Variants in ZFHX3 observed in about 807,000 individuals in gnomAD.
The protein encoded by ZFHX3 is zinc finger homeobox protein 3.
In ZFHX3, 42 loss-of-function variants were observed where a neutral mutation model predicts 279.1. That is an observed-to-expected ratio of 0.15 (90% CI 0.12 to 0.19). The LOEUF (loss-of-function observed/expected upper bound fraction) is 0.19. ZFHX3 is among the 10% of genes least tolerant of loss of function. ZFHX3 has a pLI of 1.00. For synonymous variants in ZFHX3, 2,293 were observed against 1,957.8 expected, an observed-to-expected ratio of 1.17 and a Z score of -4.52; for missense variants, 4,981 against 4,754.0, an observed-to-expected ratio of 1.05 and a Z score of -1.40.
chr16:73,820,808 T>C (rs986886288), intron 1 of ZFHX3, among the ~76,000 whole-genome samples: 1 of 151,834 alleles, frequency 6.6e-6, no homozygotes, highest in Admixed American at 6.5e-5. Context: ...TGTGTTCTAC[T>C]ACCAAAGTTA....
At chr16:73,261,426 T>A (rs780927142) in intron 4 of ZFHX3, among the ~76,000 whole-genome samples, 1 of 152,154 alleles carries the variant, frequency 6.6e-6, no homozygotes, top group Non-Finnish European at 1.5e-5. Flanking sequence ...AGAGGGAAGA[T>A]GATGTTTACT....
chr16:73,345,262 C>T (rs2016102176), intron 3 of ZFHX3, among the ~76,000 whole-genome samples: 1 of 151,962 alleles, frequency 6.6e-6, no homozygotes, highest in Non-Finnish European at 1.5e-5. Context: ...TTCCAGGGAA[C>T]ATGTGCAGGA....
chr16:73,133,047 G>C (rs1414579472), intron 6 of ZFHX3, among the ~76,000 whole-genome samples: 1 of 152,164 alleles, frequency 6.6e-6, no homozygotes, highest in Non-Finnish European at 1.5e-5. Flanking sequence ...GAGGCCCCTG[G>C]GGTGTTTTAA....
intron 2 of ZFHX3, among the ~76,000 whole-genome samples, chr16:73,649,006 G>A (rs538730861): frequency 3.3e-5 from 5 of 152,210 alleles, no homozygotes; most frequent in South Asian, 2.1e-4. Flanking sequence ...TGGAGATTAC[G>A]GTTATCATTT....
chr16:73,094,109 C>G (rs997474356), intron 7 of ZFHX3, among the ~76,000 whole-genome samples: 1 of 152,198 alleles, frequency 6.6e-6, no homozygotes, highest in East Asian at 1.9e-4. Context: ...CGCTCAATAG[C>G]TTTCTTATAG....
intron 4 of ZFHX3, among the ~76,000 whole-genome samples, chr16:73,299,657 G>A (rs2015006339): frequency 6.6e-6 from 1 of 152,208 alleles, no homozygotes; most frequent in South Asian, 2.1e-4. Flanking sequence ...CCCAGCCCAG[G>A]AGGAGCAGGC....
At position 72,957,902 on chromosome 16, in the gene ZFHX3, G is replaced by A. The variant is rs1961342447; in HGVS notation, c.2244C>T (p.Asp748=). 6.2e-7 allele frequency: 1 copy of A among 1,614,224 alleles called. No homozygotes were observed. Among genetic ancestry groups the A allele is most frequent in the Non-Finnish European group, 8.5e-7 (1 of 1,180,046 alleles). Residue 748 remains aspartate, a synonymous_variant, in exon 2 of 10, where the codon GAC becomes GAT. Transcript: ENST00000268489. ...GGTTCTGCATGTTGTTGAGATGCTTGTCAGACTGCATATGAATACTGAGGT... is the reference window on the plus strand; with the variant it reads ...GGTTCTGCATGTTGTTGAGATGCTTATCAGACTGCATATGAATACTGAGGT... The part of the protein sequence containing the change: ...KGNLSIHMQS[D]KHLNNMQNLQ...
chr16:72,911,847 T>C (rs2039326039), intron 3 of ZFHX3, among the ~76,000 whole-genome samples: 1 of 152,008 alleles, frequency 6.6e-6, no homozygotes, highest in Non-Finnish European at 1.5e-5. Context: ...TCTAGTTACC[T>C]GGATTAAGTA....
intron 4 of ZFHX3, among the ~76,000 whole-genome samples, chr16:73,307,594 G>C (rs2015212262): frequency 6.6e-6 from 1 of 152,174 alleles, no homozygotes; most frequent in Non-Finnish European, 1.5e-5. Flanking sequence ...ACCACAGCTG[G>C]AGAAACAAGA....
intron 4 of ZFHX3, among the ~76,000 whole-genome samples, chr16:73,263,837 G>T (rs1050271975): frequency 6.6e-6 from 1 of 152,178 alleles, no homozygotes; most frequent in African/African-American, 2.4e-5. Flanking sequence ...TGGCTGGAAG[G>T]TGCTAAGCAA....
chr16:72,869,306 C>T (rs1229446444), intron 4 of ZFHX3, among the ~76,000 whole-genome samples: 1 of 152,180 alleles, frequency 6.6e-6, no homozygotes, highest in Non-Finnish European at 1.5e-5. Flanking sequence ...CATCATCCTT[C>T]AAGGACCAGC....
intron 4 of ZFHX3, among the ~76,000 whole-genome samples, chr16:73,316,705 T>C (rs965317864): frequency 6.6e-6 from 1 of 152,206 alleles, no homozygotes; most frequent in Admixed American, 6.5e-5. Context: ...AAATGCTTGA[T>C]TTTTATCACC....
intron 8 of ZFHX3, among the ~76,000 whole-genome samples, chr16:73,069,493 G>A (rs974944130): frequency 8.5e-5 from 13 of 152,214 alleles, no homozygotes; most frequent in African/African-American, 1.9e-4. Context: ...AATTAGCCAT[G>A]CAGTGCTATA....
intron 2 of ZFHX3, among the ~76,000 whole-genome samples, chr16:73,650,085 G>A (rs2052656483): frequency 1.3e-5 from 2 of 152,120 alleles, no homozygotes. Flanking sequence ...AAAAGTTGGA[G>A]TCAAGAACTT....
chr16:72,968,579 G>A (rs1961956529), intron 1 of ZFHX3, among the ~76,000 whole-genome samples: 1 of 151,042 alleles, frequency 6.6e-6, no homozygotes, highest in Non-Finnish European at 1.5e-5. Context: ...TTCTGCCTCA[G>A]CCTCCTAAGT....
intron 1 of ZFHX3, among the ~76,000 whole-genome samples, chr16:73,811,186 G>A (rs919068126): frequency 1.8e-4 from 27 of 152,114 alleles, no homozygotes; most frequent in Non-Finnish European, 4.4e-5. Context: ...TATCTCTGTT[G>A]TGATGAAAAC....
intron 1 of ZFHX3, among the ~76,000 whole-genome samples, chr16:73,787,074 G>T (rs1010729396): frequency 6.6e-6 from 1 of 152,122 alleles, no homozygotes; most frequent in Non-Finnish European, 1.5e-5. Flanking sequence ...CCTCAAGATT[G>T]TATGCTTTTT....
chr16:73,267,170 G>A (rs906905197), intron 4 of ZFHX3, among the ~76,000 whole-genome samples: 6 of 152,162 alleles, frequency 3.9e-5, no homozygotes, highest in African/African-American at 7.2e-5. Flanking sequence ...TGGGATTAGC[G>A]GAAGGGCAGA....
intron 2 of ZFHX3, among the ~76,000 whole-genome samples, chr16:73,458,104 T>C (rs1174037074): frequency 2.0e-5 from 3 of 152,202 alleles, no homozygotes; most frequent in Admixed American, 6.5e-5. Flanking sequence ...TGTTTCCTGG[T>C]TAGTCAACAG....
Sources: gnomAD v4.1 joint callset for allele counts (sites outside exome capture counted in the v4.1 genomes callset) on GRCh38, gnomAD v4.1.1 for gene constraint, MANE v1.5 for transcripts, NCBI Gene and HGNC (gene_info 2026-07-23, HGNC 2026-07-21) for gene names.